The following DLGAP3 variants were observed in gnomAD, a reference collection of about 807,000 sequenced individuals.
The protein encoded by DLGAP3 is DLG associated protein 3.
A neutral mutation model predicts 81.2 loss-of-function variants in DLGAP3; 17 were observed. The ratio of observed to expected loss-of-function variants is 0.21; its 90% CI spans 0.14 to 0.31. The LOEUF is 0.31. DLGAP3 is among the 10% of genes least tolerant of loss of function. DLGAP3 has a pLI of 1.00. For missense variants in DLGAP3, 1,124 were observed against 1,388.0 expected (o/e 0.81, Z 3.02); for synonymous variants, 577 against 587.4 (o/e 0.98, Z 0.26).
chr1:34,876,957 A>G (rs1205837492), intron 8 of DLGAP3, among the ~76,000 whole-genome samples: 1 of 152,222 alleles, frequency 6.6e-6, no homozygotes, highest in Non-Finnish European at 1.5e-5. Flanking sequence ...TAACTTAGGA[A>G]GCTCCCACTC....
At chr1:34,874,148 A>G (rs1639017414) in intron 8 of DLGAP3, among the ~76,000 whole-genome samples, 2 of 152,166 alleles carry the variant, frequency 1.3e-5, no homozygotes, top group Admixed American at 6.5e-5. Flanking sequence ...GACCTCAAGC[A>G]GCCATTCTGG....
chr1:34,927,284 G>C (rs926446408), intron 1 of DLGAP3, among the ~76,000 whole-genome samples: 8 of 152,158 alleles, frequency 5.3e-5, no homozygotes, highest in Non-Finnish European at 1.0e-4. Flanking sequence ...GGAATAGAAG[G>C]CAACATGGAG....
At chr1:34,891,813 TAAG>T (rs1007051951) in intron 5 of DLGAP3, among the ~76,000 whole-genome samples, 30 of 152,052 alleles carry the variant, frequency 2.0e-4, no homozygotes, top group African/African-American at 6.8e-4. Flanking sequence ...AAAATAAAAA[TAAG>T]AAGGAAATAA....
Position 34,887,019 on chromosome 1 carries a change from A to G in DLGAP3, c.1387-734T>C, listed in dbSNP as rs530280762. Among the ~76,000 whole-genome samples the G allele has an allele frequency of 6.0e-4, 78 of 129,190 alleles. 1 individual carries two copies. In the South Asian group the frequency reaches 0.018, roughly 30 times the overall value. 84.8% of individuals were successfully genotyped at this position (129,190 alleles called of 152,430 possible). On this transcript the variant is annotated intron_variant, in intron 5 of 11. Transcript: ENST00000373347. The stretch of plus-strand genomic sequence containing the variant: ...GCCCAGGCTGGAGTGCAGTGGCGCG[A>G]TCTCGGCTCACTGCAAGCTCTGCCT...
At chr1:34,887,855 G>A (rs752908892) in intron 5 of DLGAP3, among the ~76,000 whole-genome samples, 20 of 152,164 alleles carry the variant, frequency 1.3e-4, no homozygotes, top group Non-Finnish European at 2.5e-4. Context: ...GGCTATTGAG[G>A]GGACTGAAAG....
rs149928275 is a variant in DLGAP3, at chr1:34,867,950, G to A, written c.2486-323C>T. 6.6e-6 allele frequency among the ~76,000 whole-genome samples: 1 copy of A among 152,286 alleles called. No homozygotes were observed. Among genetic ancestry groups the A allele is most frequent in the Non-Finnish European group, 1.5e-5 (1 of 68,020 alleles). On this transcript the variant is annotated intron_variant, in intron 9 of 11. Coordinates refer to ENST00000373347, the MANE Select transcript of DLGAP3 (RefSeq NM_001080418.3). The surrounding 1 kb of genome is among the most constrained non-coding windows in gnomAD (Gnocchi z 4.3). ...GCCTAGCCCTATAGCCTTGGCCAGGGCATTAGCTCAATGACCACCCACTGG... is the reference window on the plus strand; with the variant it reads ...GCCTAGCCCTATAGCCTTGGCCAGGACATTAGCTCAATGACCACCCACTGG...
intron 1 of DLGAP3, among the ~76,000 whole-genome samples, chr1:34,909,202 C>A (rs1639604099): frequency 6.6e-6 from 1 of 152,234 alleles, no homozygotes; most frequent in African/African-American, 2.4e-5. Flanking sequence ...GTGCTGCTGG[C>A]AAGCTGCTCA....
chr1:34,924,386 C>G (rs886576812), intron 1 of DLGAP3, among the ~76,000 whole-genome samples: 2 of 152,148 alleles, frequency 1.3e-5, no homozygotes, highest in African/African-American at 4.8e-5. Flanking sequence ...TCCTCCCCAA[C>G]AAAAGTCTCT....
chr1:34,887,241 C>T (rs1639248233), intron 5 of DLGAP3, among the ~76,000 whole-genome samples: 1 of 152,116 alleles, frequency 6.6e-6, no homozygotes, highest in Admixed American at 6.5e-5. Flanking sequence ...AGGCGTGAGC[C>T]ACCGCACCCG....
At chr1:34,908,470 G>T (rs1458872334) in intron 1 of DLGAP3, among the ~76,000 whole-genome samples, 1 of 152,222 alleles carries the variant, frequency 6.6e-6, no homozygotes, top group Non-Finnish European at 1.5e-5. Flanking sequence ...TAAGGGGTAG[G>T]CTCAGAGAGT....
intron 5 of DLGAP3, among the ~76,000 whole-genome samples, chr1:34,892,477 T>C (rs958919895): frequency 6.6e-6 from 1 of 152,140 alleles, no homozygotes; most frequent in African/African-American, 2.4e-5. Context: ...AGCCAAAAAC[T>C]TTCCTTTTGT....
rs765146772 is a variant in DLGAP3, at chr1:34,904,598, A to G, written c.786T>C (p.Ser262=). Residue 262 remains serine, a synonymous_variant, in exon 3 of 12, where the codon AGT becomes AGC. Transcript: ENST00000373347. This position sits in a 1 kb window ranked among gnomAD's most constrained non-coding sequence, Gnocchi z 8.1. The part of the protein sequence containing the change: ...RHQAKSTGWW[S]SDDNLDSDSG... ...TATCACTGTCCAAGTTGTCATCGGA[A>G]CTCCACCAGCCTGTGGACTTGGCCT... 3 of 1,613,552 alleles carry G rather than the reference A, an allele frequency of 1.9e-6. No individual in the cohort carries two copies. Among genetic ancestry groups the G allele is most frequent in the Non-Finnish European group, 2.5e-6 (3 of 1,179,904 alleles).
chr1:34,907,649 A>C (rs1376285771), intron 1 of DLGAP3, among the ~76,000 whole-genome samples: 1 of 152,188 alleles, frequency 6.6e-6, no homozygotes, highest in Non-Finnish European at 1.5e-5. Context: ...AGGTTGGACT[A>C]TCTCCAACTG....
chr1:34,873,717 C>T lies in DLGAP3; in HGVS notation c.2001-4628G>A, dbSNP rs1280761547. On this transcript the variant is annotated intron_variant, in intron 8 of 11. Transcript: ENST00000373347. The surrounding 1 kb of genome is among the most constrained non-coding windows in gnomAD (Gnocchi z 4.2). ...ATCATTTCCATCTGTTCTCCCACAG[C>T]GCTTTGAACAAAACTCTTTTATACT... 1.3e-5 allele frequency among the ~76,000 whole-genome samples: 2 copies of T among 152,154 alleles called. No individual in the cohort carries two copies. The highest frequency in any genetic ancestry group is 1.3e-4 in the Admixed American group (2 of 15,276).
chr1:34,890,819 T>A (rs1477960800), intron 5 of DLGAP3, among the ~76,000 whole-genome samples: 1 of 152,244 alleles, frequency 6.6e-6, no homozygotes, highest in Non-Finnish European at 1.5e-5. Context: ...GCACTCAGAT[T>A]CCTGATCCAC....
In DLGAP3 at chr1:34,902,380, G is replaced by C. The variant is rs1639474311; in HGVS notation, c.1107+1897C>G. ...TCATTTGGATGATGGGAAACAAAGA[G>C]ATGAGGCTCCATAAAGAAACAGGGG... On this transcript the variant is annotated intron_variant, in intron 3 of 11. Coordinates refer to ENST00000373347, the MANE Select transcript of DLGAP3 (RefSeq NM_001080418.3). This position sits in a 1 kb window ranked among gnomAD's most constrained non-coding sequence, Gnocchi z 4.4. Among the ~76,000 whole-genome samples the C allele has an allele frequency of 6.6e-6, 1 of 152,138 alleles. No homozygotes were observed. The highest frequency in any genetic ancestry group is 1.5e-5 in the Non-Finnish European group (1 of 68,008).
intron 11 of DLGAP3, among the ~76,000 whole-genome samples, chr1:34,866,625 T>C (rs1012378150): frequency 6.6e-6 from 1 of 152,092 alleles, no homozygotes; most frequent in Non-Finnish European, 1.5e-5. Flanking sequence ...GCAATGAGGG[T>C]GCACATACCA....
intron 1 of DLGAP3, among the ~76,000 whole-genome samples, chr1:34,913,429 A>G (rs1639668857): frequency 6.6e-6 from 1 of 152,122 alleles, no homozygotes; most frequent in Non-Finnish European, 1.5e-5. Flanking sequence ...TGCCCCAGAT[A>G]TTCCCATGGC....
chr1:34,894,859 G>A lies in DLGAP3; in HGVS notation c.1386+4810C>T, dbSNP rs552511992. 1.3e-3 allele frequency among the ~76,000 whole-genome samples: 194 copies of A among 152,218 alleles called. 1 individual carries two copies. Among genetic ancestry groups the A allele is most frequent in the African/African-American group, 3.5e-3 (147 of 41,534 alleles). On this transcript the variant is annotated intron_variant, in intron 5 of 11. Coordinates refer to ENST00000373347, the MANE Select transcript of DLGAP3 (RefSeq NM_001080418.3). ...ATAATAATAGAGACTAATTTGACAG[G>A]TTAAAAGGTAGAACTAAAATACTGG...
Sources: allele counts gnomAD v4.1 joint callset (sites outside exome capture counted in the v4.1 genomes callset), GRCh38; gene constraint gnomAD v4.1.1; non-coding constraint Gnocchi (gnomAD v3.1); transcripts MANE v1.5; gene names NCBI Gene and HGNC (gene_info 2026-07-23, HGNC 2026-07-21).